SPTLC3: variants seen among roughly 807,000 people sequenced by gnomAD.
SPTLC3 encodes serine palmitoyltransferase long chain base subunit 3.
Under a neutral mutation model 59.3 loss-of-function variants are expected in SPTLC3, and 36 were observed. The ratio of observed to expected loss-of-function variants is 0.61; its 90% confidence interval spans 0.47 to 0.80. The LOEUF is 0.80. SPTLC3 is among the 30% of genes least tolerant of loss of function. SPTLC3 has a pLI of 0.00. For synonymous variants in SPTLC3, 257 were observed against 240.8 expected, an observed-to-expected ratio of 1.07 and a Z score of -0.62; for missense variants, 625 against 685.1, an observed-to-expected ratio of 0.91 and a Z score of 0.98.
Position 13,165,029 on chromosome 20 carries a change from G to T in SPTLC3, c.*162G>T. 1 of 579,246 alleles carries T rather than the reference G, an allele frequency of 1.7e-6. No homozygotes were observed. Among genetic ancestry groups the T allele is most frequent in the Non-Finnish European group, 3.0e-6 (1 of 329,208 alleles). The allele number at this position is 579,246 out of a possible 1,614,324, so 35.9% of individuals were successfully genotyped here. A position where few individuals can be genotyped will look rare whatever the true frequency, so the allele number is the denominator to read the frequency against. Reference sequence around the variant, plus strand: ...GACGTTGTTGTTTTTAATGTCTCCAGCTTGGACTGCAGAGACAAAAACATG... The same window carrying T: ...GACGTTGTTGTTTTTAATGTCTCCATCTTGGACTGCAGAGACAAAAACATG... On this transcript the variant is annotated 3_prime_UTR_variant, in exon 12 of 12. Coordinates refer to ENST00000399002, the MANE Select transcript of SPTLC3 (RefSeq NM_018327.4).
chr20:13,110,021 A>C (rs1990134376), intron 6 of SPTLC3, 91 bp from the exon 7 acceptor site: 1 of 1,044,606 alleles, frequency 9.6e-7, no homozygotes. Context: ...TTTAGGTCTG[A>C]GTGTGAACAT....
At chr20:13,092,227 C>A (rs971341431) in intron 5 of SPTLC3, among the ~76,000 whole-genome samples, 23 of 152,064 alleles carry the variant, frequency 1.5e-4, no homozygotes, top group Admixed American at 1.0e-3. Context: ...GAATGGTGGT[C>A]AAAGAAAAGA....
intron 1 of SPTLC3, among the ~76,000 whole-genome samples, chr20:13,014,600 G>A (rs893917857): frequency 6.6e-6 from 1 of 152,086 alleles, no homozygotes; most frequent in Non-Finnish European, 1.5e-5. Flanking sequence ...CAGAGATAAA[G>A]ATTTGAGTGC....
In SPTLC3 at chr20:13,167,521, G is replaced by C. The variant is rs1480612192; in HGVS notation, c.*2654G>C. 6.6e-6 allele frequency: 1 copy of C among 152,136 alleles called. No individual in the cohort carries two copies. The highest frequency in any genetic ancestry group is 1.5e-5 in the Non-Finnish European group (1 of 68,028). The allele number at this position is 152,136 out of a possible 1,614,324, so 9.4% of individuals were successfully genotyped here. On this transcript the variant is annotated 3_prime_UTR_variant, in exon 12 of 12. Coordinates refer to ENST00000399002, the MANE Select transcript of SPTLC3 (RefSeq NM_018327.4). Reference sequence around the variant, plus strand: ...AGTAAGCAACTATGAAAATCTGGTTGGTTGAGAAATAAATGGAAGATGTTC... The same window carrying C: ...AGTAAGCAACTATGAAAATCTGGTTCGTTGAGAAATAAATGGAAGATGTTC...
chr20:13,031,644 T>C (rs1986459489), intron 1 of SPTLC3, among the ~76,000 whole-genome samples: 1 of 152,168 alleles, frequency 6.6e-6, no homozygotes, highest in Non-Finnish European at 1.5e-5. Context: ...GCCCATGACC[T>C]CCATGAGGCT....
chr20:13,074,094 C>T, intron 3 of SPTLC3: 2 of 667,378 alleles, frequency 3.0e-6, no homozygotes, highest in Admixed American at 1.9e-5. Flanking sequence ...GCTGTTCATC[C>T]TTTTCCAGCT....
chr20:13,094,803 A>T (rs768069521), intron 6 of SPTLC3, among the ~76,000 whole-genome samples: 10 of 152,214 alleles, frequency 6.6e-5, no homozygotes, highest in Non-Finnish European at 1.5e-4. Context: ...AGCTATGTGA[A>T]GATGAACAGT....
intron 2 of SPTLC3, among the ~76,000 whole-genome samples, chr20:13,068,578 G>T (rs528903762): frequency 6.6e-6 from 1 of 152,222 alleles, no homozygotes; most frequent in Non-Finnish European, 1.5e-5. Context: ...CACAGGTGGG[G>T]AGAAGAGGGC....
At chr20:13,164,720 C>A (rs1440414296) in intron 11 of SPTLC3, 34 bp from the exon 12 acceptor site, 2 of 1,555,654 alleles carry the variant, frequency 1.3e-6, no homozygotes, top group Admixed American at 1.7e-5. Flanking sequence ...CTTAGGTGTT[C>A]AATGATAGCT....
chr20:13,069,446 G>A (rs1426342380), intron 2 of SPTLC3, among the ~76,000 whole-genome samples: 1 of 152,170 alleles, frequency 6.6e-6, no homozygotes, highest in Non-Finnish European at 1.5e-5. Flanking sequence ...GTTTCAGGAT[G>A]AAACTGTTCC....
At chr20:13,160,816 A>G (rs887329651) in intron 11 of SPTLC3, among the ~76,000 whole-genome samples, 16 of 152,232 alleles carry the variant, frequency 1.1e-4, no homozygotes, top group Non-Finnish European at 2.2e-4. Flanking sequence ...GAATGAATGA[A>G]TCTTGAAGAA....
At chr20:13,159,776 A>T (rs2038854104) in intron 10 of SPTLC3, among the ~76,000 whole-genome samples, 1 of 152,108 alleles carries the variant, frequency 6.6e-6, no homozygotes, top group Non-Finnish European at 1.5e-5. Context: ...CAGACCCATA[A>T]TACCACACAC....
intron 11 of SPTLC3, 51 bp downstream of exon 11, chr20:13,160,183 A>G: frequency 6.5e-7 from 1 of 1,546,388 alleles, no homozygotes; most frequent in Non-Finnish European, 8.8e-7. Flanking sequence ...CTTGGATTCA[A>G]AGCAAGTCCT....
chr20:13,113,200 A>C (rs539419859), intron 7 of SPTLC3, among the ~76,000 whole-genome samples: 113 of 152,222 alleles, frequency 7.4e-4, no homozygotes, highest in African/African-American at 2.4e-3. Context: ...ACAACAACAA[A>C]AAATTATTTC....
intron 4 of SPTLC3, among the ~76,000 whole-genome samples, chr20:13,077,594 G>A (rs1988691614): frequency 6.6e-6 from 1 of 152,092 alleles, no homozygotes; most frequent in South Asian, 2.1e-4. Flanking sequence ...GAGATTATGG[G>A]AAGCAGCTAG....
chr20:13,129,467 T>G (rs1363468050), intron 9 of SPTLC3, among the ~76,000 whole-genome samples: 2 of 152,238 alleles, frequency 1.3e-5, no homozygotes, highest in Non-Finnish European at 2.9e-5. Flanking sequence ...GAAAATCAAT[T>G]ATTTGAGATT....
chr20:13,026,813 C>T (rs1436644385), intron 1 of SPTLC3, among the ~76,000 whole-genome samples: 2 of 152,108 alleles, frequency 1.3e-5, no homozygotes, highest in Admixed American at 1.3e-4. Flanking sequence ...TTTCTGAGAA[C>T]TTTCTGAAAA....
At chr20:13,060,742 C>T (rs1987940317) in intron 2 of SPTLC3, among the ~76,000 whole-genome samples, 1 of 152,012 alleles carries the variant, frequency 6.6e-6, no homozygotes, top group South Asian at 2.1e-4. Flanking sequence ...CTTAAGATAA[C>T]AGCCTACCAT....
At chr20:13,101,267 A>C (rs1036564145) in intron 6 of SPTLC3, among the ~76,000 whole-genome samples, 5 of 152,182 alleles carry the variant, frequency 3.3e-5, no homozygotes, top group African/African-American at 1.2e-4. Flanking sequence ...TGCATGAAGA[A>C]GCTGGGCTGA....
Sources: gnomAD v4.1 joint callset for allele counts (sites outside exome capture counted in the v4.1 genomes callset) on GRCh38, gnomAD v4.1.1 for gene constraint, MANE v1.5 for transcripts, NCBI Gene and HGNC (gene_info 2026-07-23, HGNC 2026-07-21) for gene names.